The following IRAK1BP1 variants were observed in gnomAD, a reference collection of about 807,000 sequenced individuals.
IRAK1BP1 encodes the protein interleukin-1 receptor-associated kinase 1-binding protein 1.
IRAK1BP1 carries 24 observed loss-of-function variants against 28.0 expected under a neutral mutation model. The ratio of observed to expected loss-of-function variants is 0.86; its 90% CI spans 0.62 to 1.20. IRAK1BP1 has a LOEUF of 1.20. IRAK1BP1 is among the 50% of genes most tolerant of loss of function. The pLI is 0.00. For synonymous variants in IRAK1BP1, 131 were observed against 116.3 expected (o/e 1.13, Z -0.81); for missense variants, 336 against 316.7 (o/e 1.06, Z -0.46).
chr6:78,965,637 A>T, the IRAK1BP1 span: 1 of 900,220 alleles, frequency 1.1e-6, no homozygotes, highest in South Asian at 1.5e-5. Context: ...ATGTTAGCAA[A>T]TCTTAAATAA....
chr6:78,949,837 C>A (rs566887436), downstream of IRAK1BP1, among the ~76,000 whole-genome samples: 22 of 152,080 alleles, frequency 1.4e-4, no homozygotes, highest in African/African-American at 5.1e-4. Flanking sequence ...TATAGGTGCA[C>A]GCCACTGCAC....
rs189230328 is a variant in IRAK1BP1, at chr6:78,899,641, G to C, written c.*1307G>C. The C allele has an allele frequency of 6.6e-6, 1 of 151,930 alleles. No homozygotes were observed. The highest frequency in any genetic ancestry group is 1.5e-5 in the Non-Finnish European group (1 of 68,004). 9.4% of individuals were successfully genotyped at this position (151,930 alleles called of 1,614,324 possible). On this transcript the variant is annotated 3_prime_UTR_variant, in exon 4 of 4. Transcript: ENST00000369940. ...CGCCCAAGCTGGAGTGCAGTGGTAC[G>C]ATCTCAGCTCACTGCAACCTCTGCC...
At chr6:78,922,231 G>A (rs574385242) in intron 4 of IRAK1BP1, among the ~76,000 whole-genome samples, 1 of 152,298 alleles carries the variant, frequency 6.6e-6, no homozygotes, top group South Asian at 2.1e-4. Context: ...GTCCTTAAAG[G>A]ACCTGATGGA....
chr6:78,914,701 G>A (rs1168595569), intron 4 of IRAK1BP1, among the ~76,000 whole-genome samples: 1 of 152,198 alleles, frequency 6.6e-6, no homozygotes, highest in Non-Finnish European at 1.5e-5. Context: ...CTGCCTACAT[G>A]TAATGATGGA....
intron 1 of IRAK1BP1, among the ~76,000 whole-genome samples, chr6:78,872,522 T>C (rs944776214): frequency 6.6e-6 from 1 of 152,208 alleles, no homozygotes; most frequent in Non-Finnish European, 1.5e-5. Context: ...TTTTGGAAGT[T>C]GTGGATTTGG....
At chr6:78,932,429 T>C (rs1384394937) in intron 4 of IRAK1BP1, among the ~76,000 whole-genome samples, 1 of 148,390 alleles carries the variant, frequency 6.7e-6, no homozygotes, top group African/African-American at 2.5e-5. Flanking sequence ...TTCTTTTTTT[T>C]TTTTTTTTTG....
exon 5 of IRAK1BP1, chr6:78,945,802 G>A: frequency 1.7e-6 from 1 of 595,610 alleles, no homozygotes; most frequent in Admixed American, 2.6e-5. Context: ...CCATTTTTAA[G>A]CATTAGTCTA....
At chr6:78,883,569 A>G (rs1002598823) in intron 1 of IRAK1BP1, among the ~76,000 whole-genome samples, 1 of 152,114 alleles carries the variant, frequency 6.6e-6, no homozygotes, top group African/African-American at 2.4e-5. Context: ...TATCAAGTGA[A>G]GTGGGAGAAA....
chr6:78,946,854 G>A (rs757146977), downstream of IRAK1BP1: 5 of 1,569,810 alleles, frequency 3.2e-6, no homozygotes, highest in Admixed American at 1.0e-4. Flanking sequence ...AAGCAGACAG[G>A]CGCAAACTCA....
chr6:78,888,828 A>G (rs1243532100), intron 2 of IRAK1BP1, among the ~76,000 whole-genome samples: 2 of 152,090 alleles, frequency 1.3e-5, no homozygotes, highest in African/African-American at 2.4e-5. Context: ...TTTTTAAAGA[A>G]TAGATGAGGC....
exon 5 of IRAK1BP1, chr6:78,945,820 C>G (rs1773781524): frequency 3.2e-6 from 2 of 616,622 alleles, no homozygotes; most frequent in Non-Finnish European, 5.7e-6. Flanking sequence ...CTATAATGAC[C>G]TAAACCTCAA....
At chr6:78,884,463 T>C (rs1051821907) in intron 1 of IRAK1BP1, among the ~76,000 whole-genome samples, 1 of 152,180 alleles carries the variant, frequency 6.6e-6, no homozygotes, top group Non-Finnish European at 1.5e-5. Context: ...GTCAGTATTA[T>C]ATGCCTTGTA....
At chr6:78,903,691 G>C (rs571858916), downstream of IRAK1BP1, among the ~76,000 whole-genome samples, 1 of 150,842 alleles carries the variant, frequency 6.6e-6, no homozygotes, top group Non-Finnish European at 1.5e-5. Context: ...ATGCCATGTC[G>C]CTTACCATGT....
At chr6:78,871,252 G>A in intron 1 of IRAK1BP1, 2 of 984,922 alleles carry the variant, frequency 2.0e-6, no homozygotes, top group Non-Finnish European at 1.2e-6. Flanking sequence ...ACCTCACAAT[G>A]TCTGGTCCTC....
chr6:78,929,145 CT>C (rs1433515010), intron 4 of IRAK1BP1, among the ~76,000 whole-genome samples: 1 of 151,806 alleles, frequency 6.6e-6, no homozygotes, highest in East Asian at 1.9e-4. Context: ...AGGTGTCAGG[CT>C]TTTTTTTACT....
chr6:78,965,710 A>G, the IRAK1BP1 span: 1 of 1,535,790 alleles, frequency 6.5e-7, no homozygotes, highest in Non-Finnish European at 9.0e-7. Flanking sequence ...TACCATTATT[A>G]GGTATAAGCT....
At chr6:78,927,144 T>C (rs936750236) in intron 4 of IRAK1BP1, among the ~76,000 whole-genome samples, 1 of 152,174 alleles carries the variant, frequency 6.6e-6, no homozygotes, top group Non-Finnish European at 1.5e-5. Context: ...ATAGTGGTTA[T>C]ACTAATTTAC....
chr6:78,871,273 G>C, intron 1 of IRAK1BP1: 1 of 985,290 alleles, frequency 1.0e-6, no homozygotes, highest in Non-Finnish European at 1.2e-6. Context: ...CCTCACAAAA[G>C]TGTTTCGGTC....
At chr6:78,910,938 C>T (rs2050905908) in intron 4 of IRAK1BP1, among the ~76,000 whole-genome samples, 2 of 152,262 alleles carry the variant, frequency 1.3e-5, no homozygotes, top group Non-Finnish European at 2.9e-5. Context: ...CCTTGGCCTA[C>T]TGGCACCGGG....
Sources: allele counts gnomAD v4.1 joint callset (sites outside exome capture counted in the v4.1 genomes callset), GRCh38; gene constraint gnomAD v4.1.1; transcripts MANE v1.5; gene names NCBI Gene and HGNC (gene_info 2026-07-23, HGNC 2026-07-21).